The following TNRC6B variants were observed in gnomAD, a reference collection of about 807,000 sequenced individuals.
TNRC6B encodes the protein trinucleotide repeat containing adaptor 6B.
A neutral mutation model predicts 203.6 loss-of-function variants in TNRC6B; 52 were observed. The ratio of observed to expected loss-of-function variants is 0.26; its 90% confidence interval spans 0.20 to 0.32. The LOEUF is 0.32. TNRC6B is among the 10% of genes least tolerant of loss of function. The pLI is 1.00. For missense variants in TNRC6B, 1,923 were observed against 2,286.2 expected (o/e 0.84, Z 3.24); for synonymous variants, 838 against 845.7 (o/e 0.99, Z 0.16).
At chr22:40,272,201 G>A (rs2070574253) in intron 6 of TNRC6B, among the ~76,000 whole-genome samples, 1 of 152,172 alleles carries the variant, frequency 6.6e-6, no homozygotes, top group Non-Finnish European at 1.5e-5. Flanking sequence ...ACTTCCAGCA[G>A]CAGGAAGAGG....
intron 3 of TNRC6B, among the ~76,000 whole-genome samples, chr22:40,258,420 G>A (rs2070318412): frequency 6.6e-6 from 1 of 152,018 alleles, no homozygotes; most frequent in Non-Finnish European, 1.5e-5. Flanking sequence ...AAGCTGTGTT[G>A]CTCTCCAATT....
At chr22:40,111,060 C>T (rs188481277) in intron 1 of TNRC6B, among the ~76,000 whole-genome samples, 20 of 152,264 alleles carry the variant, frequency 1.3e-4, no homozygotes, top group Non-Finnish European at 2.4e-4. Flanking sequence ...TGCAGTTGCT[C>T]ACCAGGGGAA....
intron 1 of TNRC6B, among the ~76,000 whole-genome samples, chr22:40,099,736 A>G (rs1252800512): frequency 1.3e-5 from 2 of 152,168 alleles, no homozygotes; most frequent in African/African-American, 2.4e-5. Context: ...ATACACAAAT[A>G]CTTCTCCATT....
intron 3 of TNRC6B, among the ~76,000 whole-genome samples, chr22:40,148,180 G>C (rs563055375): frequency 3.8e-4 from 58 of 152,120 alleles, no homozygotes; most frequent in African/African-American, 1.4e-3. Flanking sequence ...AAATTAAAAA[G>C]TCCACACAAA....
chr22:40,319,894 A>T (rs2071312912), intron 21 of TNRC6B, among the ~76,000 whole-genome samples: 1 of 152,188 alleles, frequency 6.6e-6, no homozygotes, highest in Non-Finnish European at 1.5e-5. Context: ...GGACTACTTT[A>T]TCTGGATAAT....
intron 2 of TNRC6B, among the ~76,000 whole-genome samples, chr22:40,121,407 G>A (rs541150236): frequency 2.0e-5 from 3 of 152,310 alleles, no homozygotes; most frequent in East Asian, 1.9e-4. Flanking sequence ...TATATGCAGC[G>A]AGTAATTGTT....
At chr22:40,057,326 T>C (rs1175881199) in intron 1 of TNRC6B, among the ~76,000 whole-genome samples, 5 of 144,818 alleles carry the variant, frequency 3.5e-5, no homozygotes, top group Admixed American at 7.2e-5. Context: ...AGAGTTTCGC[T>C]CTTGTTGCCC....
chr22:40,302,058 A>C (rs1489999060), intron 15 of TNRC6B, among the ~76,000 whole-genome samples: 2 of 152,238 alleles, frequency 1.3e-5, no homozygotes, highest in Admixed American at 6.5e-5. Context: ...TATAGTGCAG[A>C]TTGATAAAAA....
At chr22:40,126,822 C>A (rs1025177597) in intron 3 of TNRC6B, among the ~76,000 whole-genome samples, 1 of 151,020 alleles carries the variant, frequency 6.6e-6, no homozygotes. Context: ...CACTTCTGAT[C>A]TCAAGCACTC....
intron 1 of TNRC6B, among the ~76,000 whole-genome samples, chr22:40,182,884 A>G (rs2146382731): frequency 6.6e-6 from 1 of 152,310 alleles, no homozygotes; most frequent in South Asian, 2.1e-4. Context: ...ACCTCTGAGA[A>G]CTTTGCAACC....
At chr22:40,226,526 T>G (rs1170045202) in intron 1 of TNRC6B, among the ~76,000 whole-genome samples, 1 of 152,178 alleles carries the variant, frequency 6.6e-6, no homozygotes, top group Non-Finnish European at 1.5e-5. Flanking sequence ...TTTTCTAACA[T>G]AAAATTCTTG....
chr22:40,046,833 G>C, intron 1 of TNRC6B, among the ~76,000 whole-genome samples: 1 of 151,872 alleles, frequency 6.6e-6, no homozygotes, highest in Non-Finnish European at 1.5e-5. Flanking sequence ...TTTTAGTAGA[G>C]ACGGCGTTTC....
intron 12 of TNRC6B, among the ~76,000 whole-genome samples, chr22:40,294,155 A>AAAAATCAGCCAG (rs2070907668): frequency 6.6e-6 from 1 of 151,514 alleles, no homozygotes; most frequent in Non-Finnish European, 1.5e-5. Flanking sequence ...TGGGAGGCTG[A>AAAAATCAGCCAG]GTTGGGAAAA....
intron 2 of TNRC6B, among the ~76,000 whole-genome samples, chr22:40,123,259 T>C (rs2068460689): frequency 6.6e-6 from 1 of 151,690 alleles, no homozygotes; most frequent in South Asian, 2.1e-4. Context: ...CAGTGTGCAG[T>C]GTTGGGGGAT....
At chr22:40,106,870 G>C in intron 1 of TNRC6B, 1 of 1,000,822 alleles carries the variant, frequency 1.0e-6, no homozygotes, top group Admixed American at 1.7e-5. Flanking sequence ...TTTCAGTTCT[G>C]TCCATCTGCC....
chr22:40,059,816 T>C (rs1019791978), intron 1 of TNRC6B, among the ~76,000 whole-genome samples: 1 of 109,890 alleles, frequency 9.1e-6, no homozygotes, highest in Non-Finnish European at 1.7e-5. Flanking sequence ...TAGAGTTTGG[T>C]TTTTTTTTTT....
intron 4 of TNRC6B, among the ~76,000 whole-genome samples, chr22:40,172,916 A>T (rs1313718593): frequency 6.6e-6 from 1 of 152,118 alleles, no homozygotes; most frequent in Non-Finnish European, 1.5e-5. Context: ...ACTATCATCC[A>T]TCTTATTTAA....
At chr22:40,287,185 A>G (rs2070797118) in intron 12 of TNRC6B, among the ~76,000 whole-genome samples, 1 of 151,576 alleles carries the variant, frequency 6.6e-6, no homozygotes, top group South Asian at 2.1e-4. Flanking sequence ...GGTTTTAAGT[A>G]TTGTGTAGAG....
At chr22:40,208,736 A>G (rs1293579796) in intron 1 of TNRC6B, among the ~76,000 whole-genome samples, 2 of 152,220 alleles carry the variant, frequency 1.3e-5, no homozygotes, top group Non-Finnish European at 2.9e-5. Context: ...ATGTAATAAA[A>G]ATTTTTCTCC....
Sources: allele counts gnomAD v4.1 joint callset (sites outside exome capture counted in the v4.1 genomes callset), GRCh38; gene constraint gnomAD v4.1.1; transcripts MANE v1.5; gene names NCBI Gene and HGNC (gene_info 2026-07-23, HGNC 2026-07-21).